The following STAT4 variants were observed in gnomAD, a reference collection of about 807,000 sequenced individuals.
The protein encoded by STAT4 is signal transducer and activator of transcription 4.
Under a neutral mutation model 110.5 loss-of-function variants are expected in STAT4, and 42 were observed. The observed-to-expected ratio is 0.38, with a 90% CI of 0.30 to 0.49. STAT4 has a LOEUF of 0.49. STAT4 is among the 20% of genes least tolerant of loss of function. The pLI, the probability that STAT4 is intolerant of heterozygous loss-of-function variation, is 0.95. For missense variants in STAT4, 632 were observed against 887.9 expected (o/e 0.71, Z 3.66); for synonymous variants, 284 against 302.2 (o/e 0.94, Z 0.63).
At chr2:191,123,818 T>TAC (rs1242637525) in intron 3 of STAT4, among the ~76,000 whole-genome samples, 1 of 152,214 alleles carries the variant, frequency 6.6e-6, no homozygotes, top group East Asian at 1.9e-4. Flanking sequence ...GTGAGAGTAT[T>TAC]GTACTGCGTT....
chr2:191,108,796 C>T (rs1698348770), intron 3 of STAT4, among the ~76,000 whole-genome samples: 1 of 152,158 alleles, frequency 6.6e-6, no homozygotes, highest in South Asian at 2.1e-4. Context: ...AAGTGCTATT[C>T]CCTAATGGAA....
At chr2:191,045,285 T>C (rs1696317781) in intron 14 of STAT4, among the ~76,000 whole-genome samples, 1 of 152,186 alleles carries the variant, frequency 6.6e-6, no homozygotes, top group Admixed American at 6.5e-5. Context: ...ACCAGCAGTA[T>C]TGCCATCGCC....
chr2:191,039,194 T>C lies in STAT4; in HGVS notation c.1434+5A>G. 2 of 1,613,190 alleles carry C rather than the reference T, an allele frequency of 1.2e-6. No homozygotes were observed. The highest frequency in any genetic ancestry group is 1.3e-5 in the African/African-American group (1 of 74,930). Reference sequence around the variant, plus strand: ...TAAAGAAGTTGAGGTAGAAATAGAGTCTACCTGGGAATCGTTGGTTGACAC... The same window carrying C: ...TAAAGAAGTTGAGGTAGAAATAGAGCCTACCTGGGAATCGTTGGTTGACAC... On this transcript the variant is annotated splice_donor_5th_base_variant and intron_variant, in intron 16 of 23. Transcript: ENST00000392320. This position sits in a 1 kb window ranked among gnomAD's most constrained non-coding sequence, Gnocchi z 4.7.
chr2:191,035,952 T>C lies in STAT4; in HGVS notation c.1570+212A>G. 6.6e-6 allele frequency among the ~76,000 whole-genome samples: 1 copy of C among 152,208 alleles called. No individual in the cohort carries two copies. Among genetic ancestry groups the C allele is most frequent in the East Asian group, 1.9e-4 (1 of 5,196 alleles). On this transcript the variant is annotated intron_variant, in intron 17 of 23. Transcript: ENST00000392320. This position sits in a 1 kb window ranked among gnomAD's most constrained non-coding sequence, Gnocchi z 4.7. ...TGACTTCTGCACTCCAATCCAGTCATTTATAAAATTGGTAGAATAAGCTGA... is the reference window on the plus strand; with the variant it reads ...TGACTTCTGCACTCCAATCCAGTCACTTATAAAATTGGTAGAATAAGCTGA...
At chr2:191,093,348 GAGGA>G (rs987464936) in intron 3 of STAT4, among the ~76,000 whole-genome samples, 1 of 152,210 alleles carries the variant, frequency 6.6e-6, no homozygotes, top group African/African-American at 2.4e-5. Flanking sequence ...GAAGCTTCCA[GAGGA>G]AGGATCAGGC....
chr2:191,040,539 A>G (rs1432957101), intron 15 of STAT4, among the ~76,000 whole-genome samples: 1 of 151,898 alleles, frequency 6.6e-6, no homozygotes, highest in South Asian at 2.1e-4. Flanking sequence ...AATACTCTTG[A>G]GCTTTTTATT....
chr2:191,042,856 T>C lies in STAT4; in HGVS notation c.1252-1708A>G, dbSNP rs886652537. Among the ~76,000 whole-genome samples, 25 of 152,118 alleles carry C rather than the reference T, an allele frequency of 1.6e-4. No individual in the cohort carries two copies. Among genetic ancestry groups the C allele is most frequent in the African/African-American group, 4.6e-4 (19 of 41,420 alleles). ...GTGCAGTGGCACAATCTCGGCTCAC[T>C]GCAACCTCCGCCTCCTGGGTCCAAG... On this transcript the variant is annotated intron_variant, in intron 14 of 23. Transcript: ENST00000392320. This position sits in a 1 kb window ranked among gnomAD's most constrained non-coding sequence, Gnocchi z 4.2.
chr2:191,094,947 T>G (rs1412121523), intron 3 of STAT4, among the ~76,000 whole-genome samples: 4 of 144,560 alleles, frequency 2.8e-5, no homozygotes, highest in Non-Finnish European at 6.0e-5. Context: ...AAGTAGGGGT[T>G]GCAATCCTAG....
Position 191,090,914 on chromosome 2 carries a change from A to G in STAT4, c.274-14589T>C, listed in dbSNP as rs1238008761. On this transcript the variant is annotated intron_variant, in intron 3 of 23. Coordinates refer to ENST00000392320, the MANE Select transcript of STAT4 (RefSeq NM_003151.4). The surrounding 1 kb of genome is among the most constrained non-coding windows in gnomAD (Gnocchi z 4.2). Reference sequence around the variant, plus strand: ...CCTTAAACTACTTCTTAAAGGTATCAAGTATGTCTTCTACAAGGTCTGAGT... The same window carrying G: ...CCTTAAACTACTTCTTAAAGGTATCGAGTATGTCTTCTACAAGGTCTGAGT... Among the ~76,000 whole-genome samples the G allele has an allele frequency of 6.6e-6, 1 of 152,138 alleles. No individual in the cohort carries two copies. The highest frequency in any genetic ancestry group is 1.5e-5 in the Non-Finnish European group (1 of 68,020).
At position 191,090,176 on chromosome 2, in the gene STAT4, G is replaced by A. The variant is rs1435942978; in HGVS notation, c.274-13851C>T. Reference sequence around the variant, plus strand: ...GGAGACTAAGGGAGTATATGGGAAAGTATTCTCTGTACTTTTTGCTCAATT... The same window carrying A: ...GGAGACTAAGGGAGTATATGGGAAAATATTCTCTGTACTTTTTGCTCAATT... On this transcript the variant is annotated intron_variant, in intron 3 of 23. Coordinates refer to ENST00000392320, the MANE Select transcript of STAT4 (RefSeq NM_003151.4). This position sits in a 1 kb window ranked among gnomAD's most constrained non-coding sequence, Gnocchi z 4.2. 2.6e-5 allele frequency among the ~76,000 whole-genome samples: 4 copies of A among 152,098 alleles called. No homozygotes were observed. The highest frequency in any genetic ancestry group is 5.9e-5 in the Non-Finnish European group (4 of 68,018).
chr2:191,095,250 G>A (rs1697936250), intron 3 of STAT4, among the ~76,000 whole-genome samples: 1 of 152,152 alleles, frequency 6.6e-6, no homozygotes, highest in Non-Finnish European at 1.5e-5. Flanking sequence ...ACTCAGCTCT[G>A]CAACAAGCAG....
In STAT4 at chr2:191,043,327, G is replaced by A. The variant is rs528268817; in HGVS notation, c.1252-2179C>T. ...AAATCCCACAAAGACGTCAAAAATA[G>A]AATAGAAAAGATAGCAAATAAAGAA... On this transcript the variant is annotated intron_variant, in intron 14 of 23. Transcript: ENST00000392320. This position sits in a 1 kb window ranked among gnomAD's most constrained non-coding sequence, Gnocchi z 4.8. Among the ~76,000 whole-genome samples the A allele has an allele frequency of 7.9e-5, 12 of 151,912 alleles. 1 individual carries two copies. In the South Asian group the frequency reaches 2.5e-3, roughly 32 times the overall value.
In STAT4 at chr2:191,035,829, G is replaced by A. The variant is rs1407258944; in HGVS notation, c.1570+335C>T. Among the ~76,000 whole-genome samples the A allele has an allele frequency of 1.3e-5, 2 of 152,188 alleles. No individual in the cohort carries two copies. The highest frequency in any genetic ancestry group is 4.8e-5 in the African/African-American group (2 of 41,438). On this transcript the variant is annotated intron_variant, in intron 17 of 23. Coordinates refer to ENST00000392320, the MANE Select transcript of STAT4 (RefSeq NM_003151.4). This position sits in a 1 kb window ranked among gnomAD's most constrained non-coding sequence, Gnocchi z 4.7. ...TTAGTGGAAATATACCCTGGAGACTGGGGTGGGGAATAGACAAGGAGGGGC... is the reference window on the plus strand; with the variant it reads ...TTAGTGGAAATATACCCTGGAGACTAGGGTGGGGAATAGACAAGGAGGGGC...
At chr2:191,095,354 T>A (rs532465142) in intron 3 of STAT4, among the ~76,000 whole-genome samples, 4 of 152,268 alleles carry the variant, frequency 2.6e-5, no homozygotes, top group Middle Eastern at 3.4e-3. Context: ...ATTGACCACA[T>A]AGTTGGAAGT....
At chr2:191,141,813 T>C (rs1426016555) in intron 3 of STAT4, among the ~76,000 whole-genome samples, 1 of 151,876 alleles carries the variant, frequency 6.6e-6, no homozygotes, top group Non-Finnish European at 1.5e-5. Flanking sequence ...GTATTGTTAG[T>C]AGAGACAGGG....
chr2:191,060,004 T>C lies in STAT4; in HGVS notation c.1035-1235A>G, dbSNP rs1307453801. 6.6e-6 allele frequency among the ~76,000 whole-genome samples: 1 copy of C among 152,176 alleles called. No homozygotes were observed. Among genetic ancestry groups the C allele is most frequent in the African/African-American group, 2.4e-5 (1 of 41,452 alleles). On this transcript the variant is annotated intron_variant, in intron 10 of 23. Coordinates refer to ENST00000392320, the MANE Select transcript of STAT4 (RefSeq NM_003151.4). The surrounding 1 kb of genome is among the most constrained non-coding windows in gnomAD (Gnocchi z 4.5). Reference sequence around the variant, plus strand: ...TTTGAAACAGGAGGATGCAAAAGTATGGCAAAGAGGGGTTTTAGGAAAACC... The same window carrying C: ...TTTGAAACAGGAGGATGCAAAAGTACGGCAAAGAGGGGTTTTAGGAAAACC...
In STAT4 at chr2:191,051,785, C is replaced by T. The variant is rs972318557; in HGVS notation, c.1251+2705G>A. On this transcript the variant is annotated intron_variant, in intron 14 of 23. Coordinates refer to ENST00000392320, the MANE Select transcript of STAT4 (RefSeq NM_003151.4). This position sits in a 1 kb window ranked among gnomAD's most constrained non-coding sequence, Gnocchi z 5.6. ...AGCAGAGGGGCCAGGAGCAGGGACACGGGATCAGACTGCCACGGTTTTATC... is the reference window on the plus strand; with the variant it reads ...AGCAGAGGGGCCAGGAGCAGGGACATGGGATCAGACTGCCACGGTTTTATC... Among the ~76,000 whole-genome samples, 6 of 146,486 alleles carry T rather than the reference C, an allele frequency of 4.1e-5. No individual in the cohort carries two copies. The highest frequency in any genetic ancestry group is 9.8e-5 in the African/African-American group (4 of 40,942).
At chr2:191,121,430 C>G (rs1457692196) in intron 3 of STAT4, among the ~76,000 whole-genome samples, 1 of 151,968 alleles carries the variant, frequency 6.6e-6, no homozygotes, top group African/African-American at 2.4e-5. Context: ...GGGTATATAC[C>G]CAAAGGATTA....
At position 191,039,320 on chromosome 2, in the gene STAT4, T is replaced by C. The variant is rs745898533; in HGVS notation, c.1336-23A>G. The C allele has an allele frequency of 8.1e-6, 13 of 1,604,778 alleles. No individual in the cohort carries two copies. The South Asian group carries it at 1.3e-4, about 16-fold the overall frequency. ...GGTCTGGTTTGGGGGGAAAAAAGCA[T>C]AGTTATTACAGGTAGTCCCACCTTA... On this transcript the variant is annotated intron_variant, in intron 15 of 23. Coordinates refer to ENST00000392320, the MANE Select transcript of STAT4 (RefSeq NM_003151.4). This position sits in a 1 kb window ranked among gnomAD's most constrained non-coding sequence, Gnocchi z 4.7.
Sources: allele counts gnomAD v4.1 joint callset (sites outside exome capture counted in the v4.1 genomes callset), GRCh38; gene constraint gnomAD v4.1.1; non-coding constraint Gnocchi (gnomAD v3.1); transcripts MANE v1.5; gene names NCBI Gene and HGNC (gene_info 2026-07-23, HGNC 2026-07-21).